Variants in EPB41L4B observed in about 807,000 individuals in gnomAD.
EPB41L4B encodes erythrocyte membrane protein band 4.1 like 4B.
Under a neutral mutation model 112.5 loss-of-function variants are expected in EPB41L4B, and 30 were observed. The ratio of observed to expected loss-of-function variants is 0.27; its 90% CI spans 0.20 to 0.36. The LOEUF is 0.36. Ranked by LOEUF, EPB41L4B falls within the 10% of genes least tolerant of loss-of-function variation. The probability of loss-of-function intolerance (pLI) is 1.00; values close to 1 mark genes in which losing one functional copy is unlikely to be tolerated. For synonymous variants in EPB41L4B, 408 were observed against 439.7 expected, an observed-to-expected ratio of 0.93 and a Z score of 0.90; for missense variants, 1,024 against 1,133.3, an observed-to-expected ratio of 0.90 and a Z score of 1.38.
intron 24 of EPB41L4B, among the ~76,000 whole-genome samples, chr9:109,182,072 G>A (rs1346441306): frequency 1.3e-5 from 2 of 152,138 alleles, no homozygotes; most frequent in Non-Finnish European, 2.9e-5. Flanking sequence ...AGCCAGGCGT[G>A]GTGGCAAGCA....
At chr9:109,194,640 A>G (rs1832581375) in intron 20 of EPB41L4B, among the ~76,000 whole-genome samples, 2 of 152,216 alleles carry the variant, frequency 1.3e-5, no homozygotes, top group African/African-American at 2.4e-5. Context: ...AATATATACA[A>G]TATAATATTT....
intron 6 of EPB41L4B, 84 bp downstream of exon 6, chr9:109,262,966 G>A: frequency 1.1e-6 from 1 of 945,764 alleles, no homozygotes; most frequent in Non-Finnish European, 1.6e-6. Context: ...GCTAAGCACT[G>A]GGCCTGGTAT....
rs971908769 is a variant in EPB41L4B, at chr9:109,320,914, C to T, written c.-468G>A. 12 of 153,390 alleles carry T rather than the reference C, an allele frequency of 7.8e-5. No individual in the cohort carries two copies. The highest frequency in any genetic ancestry group is 1.4e-5 in the Non-Finnish European group (1 of 70,116). 9.5% of individuals were successfully genotyped at this position (153,390 alleles called of 1,614,324 possible). A position where few individuals can be genotyped will look rare whatever the true frequency, so the allele number is the denominator to read the frequency against. ...CTCGCTCCCACTCGCCGCGCCGCGC[C>T]CGGGGCCCGAGGAGGCCCCGCCGAG... On this transcript the variant is annotated 5_prime_UTR_variant, in exon 1 of 26. Coordinates refer to ENST00000374566, the MANE Select transcript of EPB41L4B (RefSeq NM_019114.5).
At chr9:109,247,814 C>T in intron 13 of EPB41L4B, 25 bp from the exon 14 acceptor site, 2 of 1,460,708 alleles carry the variant, frequency 1.4e-6, no homozygotes, top group Non-Finnish European at 9.1e-7. Context: ...AAACAAAAAA[C>T]AGAAAAAAAA....
chr9:109,280,012 T>A, intron 1 of EPB41L4B, 91 bp from the exon 2 acceptor site: 1 of 904,228 alleles, frequency 1.1e-6, no homozygotes. Flanking sequence ...TCTTTGTAAA[T>A]TGCATACATG....
intron 24 of EPB41L4B, 52 bp downstream of exon 24, chr9:109,182,677 C>A: frequency 7.3e-7 from 1 of 1,370,230 alleles, no homozygotes; most frequent in South Asian, 1.2e-5. Context: ...GAAAAGCACA[C>A]CGCATGGGAA....
At position 109,174,183 on chromosome 9, in the gene EPB41L4B, C is replaced by A; in HGVS notation, c.*371G>T. 1 of 170,804 alleles carries A rather than the reference C, an allele frequency of 5.9e-6. No individual in the cohort carries two copies. The highest frequency in any genetic ancestry group is 1.3e-5 in the Non-Finnish European group (1 of 79,034). 10.6% of individuals were successfully genotyped at this position (170,804 alleles called of 1,614,324 possible). On this transcript the variant is annotated 3_prime_UTR_variant, in exon 26 of 26. Transcript: ENST00000374566. ...TTTAACAAACAGTCAAAGCTCGGTG[C>A]AAGTTTCAATCATACAAAATCAAAT...
intron 18 of EPB41L4B, 69 bp from the exon 19 acceptor site, chr9:109,203,799 C>T: frequency 7.9e-7 from 1 of 1,270,120 alleles, no homozygotes; most frequent in Non-Finnish European, 1.2e-6. Flanking sequence ...TTTCAAGTCT[C>T]TTACATTCAA....
chr9:109,253,854 T>C (rs1834884882), intron 11 of EPB41L4B, among the ~76,000 whole-genome samples: 1 of 152,186 alleles, frequency 6.6e-6, no homozygotes. Context: ...ACATTGATTT[T>C]CACATAAAAT....
chr9:109,226,607 CATATATATATATATATATATATGAAGA>C (rs1833765736), intron 15 of EPB41L4B, among the ~76,000 whole-genome samples: 6 of 90,830 alleles, frequency 6.6e-5, no homozygotes, highest in South Asian at 3.9e-4. Context: ...TTGGATTTTT[CATATATATATATATATATATATGAAGA>C]ATATATATAT....
intron 15 of EPB41L4B, among the ~76,000 whole-genome samples, chr9:109,236,436 T>C (rs1169973027): frequency 6.8e-6 from 1 of 146,886 alleles, no homozygotes; most frequent in South Asian, 2.1e-4. Flanking sequence ...AAAAAAAGAG[T>C]TGACCTCTAC....
intron 15 of EPB41L4B, among the ~76,000 whole-genome samples, chr9:109,236,686 A>G (rs1241615390): frequency 1.3e-5 from 2 of 152,170 alleles, no homozygotes; most frequent in East Asian, 1.9e-4. Flanking sequence ...TTGCAGAACT[A>G]TTGAGGATTT....
intron 2 of EPB41L4B, among the ~76,000 whole-genome samples, chr9:109,272,621 T>G: frequency 6.6e-6 from 1 of 151,942 alleles, no homozygotes; most frequent in East Asian, 1.9e-4. Context: ...GGTGTGGTGG[T>G]GCATACCTGT....
chr9:109,264,209 C>T (rs1357256388), intron 5 of EPB41L4B, among the ~76,000 whole-genome samples: 1 of 152,196 alleles, frequency 6.6e-6, no homozygotes, highest in African/African-American at 2.4e-5. Flanking sequence ...TTTTATAGCA[C>T]ATATTCTATG....
intron 13 of EPB41L4B, 86 bp from the exon 14 acceptor site, chr9:109,247,875 G>T (rs1314404228): frequency 3.6e-6 from 4 of 1,102,712 alleles, no homozygotes; most frequent in African/African-American, 3.2e-5. Context: ...TAACAATCAT[G>T]AACTATTCCT....
Position 109,192,283 on chromosome 9 carries a change from G to A in EPB41L4B, c.2296C>T (p.Pro766Ser). The A allele has an allele frequency of 6.2e-7, 1 of 1,607,614 alleles. No individual in the cohort carries two copies. Among genetic ancestry groups the A allele is most frequent in the Non-Finnish European group, 8.5e-7 (1 of 1,177,354 alleles). ...TAGCAAAATAGGAAGTTTACCAGAGGAGTGGCTTCTGTGAAATCCATCAGA... is the reference window on the plus strand; with the variant it reads ...TAGCAAAATAGGAAGTTTACCAGAGAAGTGGCTTCTGTGAAATCCATCAGA... ...DLLMDFTEAT[P>S]LAEPASNPHC... Residue 766 changes from proline to serine, a missense_variant, in exon 22 of 26, where the codon CCT becomes TCT. By Grantham distance (74) the Pro-to-Ser change is moderately conservative. Coordinates refer to ENST00000374566, the MANE Select transcript of EPB41L4B (RefSeq NM_019114.5).
At chr9:109,214,135 C>T (rs1394589399) in intron 16 of EPB41L4B, among the ~76,000 whole-genome samples, 1 of 152,070 alleles carries the variant, frequency 6.6e-6, no homozygotes, top group African/African-American at 2.4e-5. Flanking sequence ...CCAATGAAGT[C>T]ATTTATGTAT....
chr9:109,290,281 G>T (rs1308243110), intron 1 of EPB41L4B, among the ~76,000 whole-genome samples: 1 of 152,054 alleles, frequency 6.6e-6, no homozygotes. Context: ...CATACACTGC[G>T]CCCTGTGGTG....
chr9:109,292,718 T>C (rs542647440), intron 1 of EPB41L4B, among the ~76,000 whole-genome samples: 1 of 152,352 alleles, frequency 6.6e-6, no homozygotes, highest in Admixed American at 6.5e-5. Flanking sequence ...AATTCTCTGA[T>C]ACTCTTATCA....
Sources: allele counts gnomAD v4.1 joint callset (sites outside exome capture counted in the v4.1 genomes callset), GRCh38; gene constraint gnomAD v4.1.1; transcripts MANE v1.5; gene names NCBI Gene and HGNC (gene_info 2026-07-23, HGNC 2026-07-21).